Variants in CSMD1 observed in about 807,000 individuals in gnomAD.
CSMD1 encodes the protein CUB and Sushi multiple domains 1, also known as CUB and sushi domain-containing protein 1.
CSMD1 carries 213 observed loss-of-function variants against 417.5 expected under a neutral mutation model. The ratio of observed to expected loss-of-function variants is 0.51; its 90% CI spans 0.46 to 0.57. CSMD1 has a LOEUF of 0.57. Ranked by LOEUF, CSMD1 falls within the 20% of genes least tolerant of loss-of-function variation. CSMD1 has a pLI of 0.00. For missense variants in CSMD1, 6,923 were observed against 4,529.7 expected, an observed-to-expected ratio of 1.53 and a Z score of -15.17; for synonymous variants, 2,862 against 1,736.8, an observed-to-expected ratio of 1.65 and a Z score of -16.11.
At chr8:3,010,501 C>T (rs1430974542) in intron 52 of CSMD1, among the ~76,000 whole-genome samples, 3 of 152,134 alleles carry the variant, frequency 2.0e-5, no homozygotes, top group African/African-American at 4.8e-5. Context: ...ACCCCAGCAC[C>T]TGCTTGTTTC....
At chr8:4,072,417 A>C (rs779407642) in intron 3 of CSMD1, among the ~76,000 whole-genome samples, 1 of 152,154 alleles carries the variant, frequency 6.6e-6, no homozygotes, top group East Asian at 1.9e-4. Flanking sequence ...ATTTTACACC[A>C]TTATATTATT....
At chr8:4,106,379 G>A (rs777780934) in intron 3 of CSMD1, among the ~76,000 whole-genome samples, 17 of 152,126 alleles carry the variant, frequency 1.1e-4, no homozygotes, top group South Asian at 4.1e-4. Context: ...CAATTACAAT[G>A]CTGCATAATT....
chr8:3,087,339 G>C, intron 48 of CSMD1, 54 bp from the exon 49 acceptor site: 1 of 1,549,418 alleles, frequency 6.5e-7, no homozygotes, highest in Non-Finnish European at 8.9e-7. Flanking sequence ...CAAATGGCCA[G>C]TGCCATTGCC....
At chr8:2,994,068 C>A (rs1228982962) in intron 54 of CSMD1, among the ~76,000 whole-genome samples, 1 of 137,822 alleles carries the variant, frequency 7.3e-6, no homozygotes, top group South Asian at 2.3e-4. Flanking sequence ...TTCACTTGAA[C>A]CCTGGAGGCG....
chr8:3,015,861 C>G (rs1482366246), intron 52 of CSMD1, among the ~76,000 whole-genome samples: 1 of 152,100 alleles, frequency 6.6e-6, no homozygotes, highest in East Asian at 1.9e-4. Flanking sequence ...AGCATCCTGG[C>G]AGTACAGGAT....
intron 25 of CSMD1, 179 bp from the exon 26 acceptor site, chr8:3,284,525 T>G (rs1028126253): frequency 1.7e-6 from 1 of 605,110 alleles, no homozygotes; most frequent in Non-Finnish European, 2.9e-6. Context: ...AATTCAGGAG[T>G]GTAAATTAGG....
intron 3 of CSMD1, among the ~76,000 whole-genome samples, chr8:4,272,110 G>A (rs552891743): frequency 5.5e-4 from 83 of 152,198 alleles, no homozygotes; most frequent in Non-Finnish European, 1.0e-3. Flanking sequence ...ACACCTGTCA[G>A]GGGTGTGTGT....
intron 3 of CSMD1, among the ~76,000 whole-genome samples, chr8:4,115,434 A>C (rs1802082507): frequency 6.6e-6 from 1 of 152,208 alleles, no homozygotes; most frequent in Admixed American, 6.5e-5. Context: ...ATAGTCTAAA[A>C]CTGAATCTCT....
chr8:3,188,335 C>G (rs1213604519), intron 35 of CSMD1, among the ~76,000 whole-genome samples: 3 of 95,040 alleles, frequency 3.2e-5, no homozygotes, highest in East Asian at 3.6e-4. Flanking sequence ...GAGATGGAGT[C>G]TTCCTCTGTC....
chr8:4,475,522 G>C (rs1053561885), intron 2 of CSMD1, among the ~76,000 whole-genome samples: 2 of 152,118 alleles, frequency 1.3e-5, no homozygotes, highest in African/African-American at 4.8e-5. Flanking sequence ...TGGACTCAGA[G>C]ATAACTAGAA....
chr8:4,322,511 G>T (rs1016914447), intron 3 of CSMD1, among the ~76,000 whole-genome samples: 4 of 152,104 alleles, frequency 2.6e-5, no homozygotes, highest in African/African-American at 9.7e-5. Flanking sequence ...TGGGTTCAGG[G>T]AAGGCTGTAT....
At chr8:3,227,336 T>G (rs1044778860) in intron 27 of CSMD1, among the ~76,000 whole-genome samples, 3 of 146,508 alleles carry the variant, frequency 2.0e-5, no homozygotes, top group African/African-American at 5.0e-5. Flanking sequence ...GGAAGGAGGT[T>G]GCAGTGAGTC....
At chr8:3,580,097 C>A (rs745895124) in intron 9 of CSMD1, among the ~76,000 whole-genome samples, 6 of 151,570 alleles carry the variant, frequency 4.0e-5, no homozygotes, top group Non-Finnish European at 5.9e-5. Flanking sequence ...GAGGGAGACT[C>A]TGTCTCAAAA....
chr8:3,411,709 C>CGT lies in CSMD1; in HGVS notation c.1562-2106_1562-2105dup, dbSNP rs754424034. ...GTATATATACACACGTATATATACA[C>CGT]GTATATATACACGTACATATATACA... On this transcript the variant is annotated intron_variant, in intron 12 of 69. Transcript: ENST00000635120. 3.5e-4 allele frequency among the ~76,000 whole-genome samples: 42 copies of CGT among 121,450 alleles called. 1 individual carries two copies. The highest frequency in any genetic ancestry group is 1.1e-3 in the East Asian group (3 of 2,654). 79.7% of individuals were successfully genotyped at this position (121,450 alleles called of 152,430 possible).
chr8:3,544,331 A>G (rs1563139137), intron 10 of CSMD1, among the ~76,000 whole-genome samples: 1 of 152,222 alleles, frequency 6.6e-6, no homozygotes, highest in African/African-American at 2.4e-5. Context: ...AGTAATTCAG[A>G]AAATTAATCC....
chr8:4,370,213 G>C (rs79932576), intron 3 of CSMD1, among the ~76,000 whole-genome samples: 1 of 152,050 alleles, frequency 6.6e-6, no homozygotes, highest in Non-Finnish European at 1.5e-5. Flanking sequence ...GGTTAGTTTG[G>C]TGAGATACGA....
In CSMD1 at chr8:4,835,549, T is replaced by C. The variant is rs142014064; in HGVS notation, c.85+158783A>G. Among the ~76,000 whole-genome samples, 8 of 152,290 alleles carry C rather than the reference T, an allele frequency of 5.3e-5. No homozygotes were observed. In the East Asian group the frequency reaches 1.5e-3, roughly 29 times the overall value. ...TGGACAGTCAGCAACCTGAGGGTGG[T>C]TAAGTTAGCACACAGAGATTTTGGA... On this transcript the variant is annotated intron_variant, in intron 1 of 69. Coordinates refer to ENST00000635120, the MANE Select transcript of CSMD1 (RefSeq NM_033225.6).
intron 3 of CSMD1, among the ~76,000 whole-genome samples, chr8:4,146,773 G>A (rs1327469384): frequency 1.3e-5 from 2 of 149,228 alleles, no homozygotes; most frequent in East Asian, 1.9e-4. Flanking sequence ...CACCAGACTC[G>A]ACTAATTTTT....
chr8:3,219,804 C>T (rs1271912315), intron 28 of CSMD1, among the ~76,000 whole-genome samples: 1 of 152,076 alleles, frequency 6.6e-6, no homozygotes, highest in Admixed American at 6.5e-5. Flanking sequence ...AGACACATTT[C>T]CACTGACCTT....
Sources: allele counts gnomAD v4.1 joint callset (sites outside exome capture counted in the v4.1 genomes callset), GRCh38; gene constraint gnomAD v4.1.1; transcripts MANE v1.5; gene names NCBI Gene and HGNC (gene_info 2026-07-23, HGNC 2026-07-21).